Variants in MGAT4C observed in about 807,000 individuals in gnomAD.
MGAT4C encodes alpha-1,3-mannosyl-glycoprotein 4-beta-N-acetylglucosaminyltransferase C.
A neutral mutation model predicts 40.1 loss-of-function variants in MGAT4C; 19 were observed. That is an observed-to-expected ratio of 0.47 (90% CI 0.33 to 0.70). MGAT4C has a LOEUF of 0.70. Ranked by LOEUF, MGAT4C falls within the 30% of genes least tolerant of loss-of-function variation. MGAT4C has a pLI of 0.02. For synonymous variants in MGAT4C, 181 were observed against 187.1 expected (o/e 0.97, Z 0.27); for missense variants, 491 against 563.2 (o/e 0.87, Z 1.30).
chr12:86,724,206 T>C (rs1479813798), intron 2 of MGAT4C, among the ~76,000 whole-genome samples: 1 of 152,194 alleles, frequency 6.6e-6, no homozygotes, highest in African/African-American at 2.4e-5. Flanking sequence ...AAATAGTTTA[T>C]GGCAAATGAG....
In MGAT4C at chr12:85,979,027, T is replaced by A; in HGVS notation, c.*262A>T. Reference sequence around the variant, plus strand: ...TCATATTACCCTTTCGACAATCAGTTGAAATTTTAAAACTAAGAACATTTA... The same window carrying A: ...TCATATTACCCTTTCGACAATCAGTAGAAATTTTAAAACTAAGAACATTTA... On this transcript the variant is annotated 3_prime_UTR_variant, in exon 5 of 5. Transcript: ENST00000611864. 1 of 254,038 alleles carries A rather than the reference T, an allele frequency of 3.9e-6. No homozygotes were observed. Among genetic ancestry groups the A allele is most frequent in the Non-Finnish European group, 7.5e-6 (1 of 133,814 alleles). The allele number at this position is 254,038 out of a possible 1,614,324, so 15.7% of individuals were successfully genotyped here. A position where few individuals can be genotyped will look rare whatever the true frequency, so the allele number is the denominator to read the frequency against.
chr12:86,531,107 T>C (rs941916681), intron 2 of MGAT4C, among the ~76,000 whole-genome samples: 8 of 152,054 alleles, frequency 5.3e-5, no homozygotes, highest in Admixed American at 6.6e-5. Flanking sequence ...TAGTAGAGCA[T>C]TGACAACAAA....
chr12:86,342,918 A>G (rs1954934444), intron 3 of MGAT4C, among the ~76,000 whole-genome samples: 1 of 152,144 alleles, frequency 6.6e-6, no homozygotes, highest in South Asian at 2.1e-4. Flanking sequence ...AACAGAATGT[A>G]TTACATGTTG....
Position 85,957,657 on chromosome 12 carries a change from C to CAAAAAAAAAA in MGAT4C, c.*21622_*21631dup, listed in dbSNP as rs5799763. 526 of 100,996 alleles carry CAAAAAAAAAA rather than the reference C, an allele frequency of 5.2e-3. 3 individuals carry two copies. The highest frequency in any genetic ancestry group is 7.1e-3 in the Non-Finnish European group (372 of 52,580). 6.3% of individuals were successfully genotyped at this position (100,996 alleles called of 1,614,324 possible). A position where few individuals can be genotyped will look rare whatever the true frequency, so the allele number is the denominator to read the frequency against. On this transcript the variant is annotated 3_prime_UTR_variant, in exon 5 of 5. Coordinates refer to ENST00000611864, the MANE Select transcript of MGAT4C (RefSeq NM_001351288.2). ...TTTACTGTAGAGTTGAATAAGAAAG[C>CAAAAAAAAAA]AAAAAAAAAAAAAAAAGAAAAAAGA...
At chr12:86,291,882 T>C (rs1169590914) in intron 4 of MGAT4C, among the ~76,000 whole-genome samples, 3 of 152,110 alleles carry the variant, frequency 2.0e-5, no homozygotes, top group Admixed American at 6.5e-5. Context: ...AAATACTGGG[T>C]GGCCAAAGGG....
At chr12:86,310,817 G>T (rs945358509) in intron 4 of MGAT4C, among the ~76,000 whole-genome samples, 1 of 152,092 alleles carries the variant, frequency 6.6e-6, no homozygotes, top group Non-Finnish European at 1.5e-5. Context: ...CCAGCTACTC[G>T]GGAGGCTGAG....
At chr12:86,363,612 T>G (rs1278052217) in intron 3 of MGAT4C, among the ~76,000 whole-genome samples, 2 of 152,020 alleles carry the variant, frequency 1.3e-5, no homozygotes, top group East Asian at 3.9e-4. Flanking sequence ...TAATAAAGAT[T>G]AGGCTTTAAA....
At chr12:86,573,150 T>C (rs1308247038) in intron 2 of MGAT4C, among the ~76,000 whole-genome samples, 1 of 152,162 alleles carries the variant, frequency 6.6e-6, no homozygotes, top group East Asian at 1.9e-4. Flanking sequence ...TGTCAGATTG[T>C]TGAAATGTAT....
intron 1 of MGAT4C, among the ~76,000 whole-genome samples, chr12:86,198,524 G>A (rs150284418): frequency 2.6e-5 from 4 of 151,742 alleles, no homozygotes; most frequent in African/African-American, 4.8e-5. Flanking sequence ...TTCATTGTTC[G>A]CATGCATAGA....
Position 86,188,836 on chromosome 12 carries a change from T to C in MGAT4C, c.-57+67403A>G, listed in dbSNP as rs112413736. Among the ~76,000 whole-genome samples, 544 of 152,102 alleles carry C rather than the reference T, an allele frequency of 3.6e-3. 3 individuals are homozygous for C. Among genetic ancestry groups the C allele is most frequent in the African/African-American group, 0.013 (530 of 41,540 alleles). On this transcript the variant is annotated intron_variant, in intron 1 of 4. Coordinates refer to ENST00000611864, the MANE Select transcript of MGAT4C (RefSeq NM_001351288.2). ...AATCCATGATAATAAAATTACTTAATGAATATTGAATAACCTATGATAAGT... is the reference window on the plus strand; with the variant it reads ...AATCCATGATAATAAAATTACTTAACGAATATTGAATAACCTATGATAAGT...
intron 3 of MGAT4C, among the ~76,000 whole-genome samples, chr12:86,381,244 A>G (rs1287888344): frequency 2.0e-5 from 3 of 152,202 alleles, no homozygotes; most frequent in African/African-American, 7.2e-5. Context: ...GGGTTACTGC[A>G]GTATATGCAG....
chr12:86,280,093 G>A (rs184718983), intron 4 of MGAT4C, among the ~76,000 whole-genome samples: 10 of 152,074 alleles, frequency 6.6e-5, no homozygotes, highest in Admixed American at 3.3e-4. Flanking sequence ...AGAAGAATGG[G>A]TATTCTGCAG....
At chr12:85,982,716 T>C (rs1226760712) in intron 4 of MGAT4C, among the ~76,000 whole-genome samples, 1 of 152,176 alleles carries the variant, frequency 6.6e-6, no homozygotes, top group Non-Finnish European at 1.5e-5. Flanking sequence ...CTCCAAAAAT[T>C]CATGTCTACT....
rs141380227 is a variant in MGAT4C at position 86,123,802 on chromosome 12, T to G, written c.-56-74079A>C. Among the ~76,000 whole-genome samples, 809 of 152,226 alleles carry G rather than the reference T, an allele frequency of 5.3e-3. 7 individuals are homozygous for G. Among genetic ancestry groups the G allele is most frequent in the African/African-American group, 0.019 (771 of 41,566 alleles). Reference sequence around the variant, plus strand: ...TATATATTTGATGCATTTAAGAATTTTTTGAAATGCCTCAATCAGGTTATT... The same window carrying G: ...TATATATTTGATGCATTTAAGAATTGTTTGAAATGCCTCAATCAGGTTATT... On this transcript the variant is annotated intron_variant, in intron 1 of 4. Coordinates refer to ENST00000611864, the MANE Select transcript of MGAT4C (RefSeq NM_001351288.2).
At chr12:86,395,407 C>T (rs975671885) in intron 3 of MGAT4C, among the ~76,000 whole-genome samples, 2 of 152,090 alleles carry the variant, frequency 1.3e-5, no homozygotes, top group African/African-American at 4.8e-5. Context: ...AACCAATATA[C>T]ATTCAGGACA....
At position 86,010,448 on chromosome 12, in the gene MGAT4C, G is replaced by A. The variant is rs1888341563; in HGVS notation, c.-6-20896C>T. On this transcript the variant is annotated intron_variant, in intron 2 of 4. Coordinates refer to ENST00000611864, the MANE Select transcript of MGAT4C (RefSeq NM_001351288.2). ...ATAATCCCAGCACTTTGGAGGCTGA[G>A]GCGGGCAGATCACGAGGTCAAGAGT... 2.6e-5 allele frequency among the ~76,000 whole-genome samples: 4 copies of A among 152,286 alleles called. No homozygotes were observed. In the South Asian group the frequency reaches 8.3e-4, roughly 32 times the overall value.
At chr12:86,039,141 GC>G (rs1198953774) in intron 2 of MGAT4C, among the ~76,000 whole-genome samples, 1 of 152,044 alleles carries the variant, frequency 6.6e-6, no homozygotes, top group Non-Finnish European at 1.5e-5. Flanking sequence ...CTCTCTGGCT[GC>G]CCTTAATATT....
At chr12:86,737,311 G>T (rs931862271) in intron 1 of MGAT4C, among the ~76,000 whole-genome samples, 35 of 148,006 alleles carry the variant, frequency 2.4e-4, no homozygotes, top group Admixed American at 1.8e-3. Context: ...GAAGCAATTG[G>T]CACCATTGAT....
chr12:86,264,481 A>C (rs140363577), intron 4 of MGAT4C, among the ~76,000 whole-genome samples: 4 of 151,998 alleles, frequency 2.6e-5, no homozygotes, highest in African/African-American at 9.7e-5. Flanking sequence ...GGAGGCGGGG[A>C]GGGGGCTGCG....
Sources: allele counts gnomAD v4.1 joint callset (sites outside exome capture counted in the v4.1 genomes callset), GRCh38; gene constraint gnomAD v4.1.1; transcripts MANE v1.5; gene names NCBI Gene and HGNC (gene_info 2026-07-23, HGNC 2026-07-21).